C8orf34: variants seen among roughly 807,000 people sequenced by gnomAD.
C8orf34 encodes the protein uncharacterized protein C8orf34.
Under a neutral mutation model 68.3 loss-of-function variants are expected in C8orf34, and 65 were observed. The ratio of observed to expected loss-of-function variants is 0.95; its 90% CI spans 0.78 to 1.17. C8orf34 has a LOEUF of 1.17. Among genes scored for constraint, C8orf34 ranks in the 50% most tolerant of loss-of-function variants. The pLI, the probability that C8orf34 is intolerant of heterozygous loss-of-function variation, is 0.00. For synonymous variants in C8orf34, 244 were observed against 241.2 expected (o/e 1.01, Z -0.11); for missense variants, 664 against 655.4 (o/e 1.01, Z -0.14).
At chr8:68,628,118 C>T (rs543779969) in intron 7 of C8orf34, among the ~76,000 whole-genome samples, 6 of 152,078 alleles carry the variant, frequency 3.9e-5, no homozygotes, top group African/African-American at 9.7e-5. Flanking sequence ...AAAATTTCAA[C>T]GCAGCACTTA....
In C8orf34 at chr8:68,503,719, G is replaced by T. The variant is rs1303405386; in HGVS notation, c.765+15668G>T. On this transcript the variant is annotated intron_variant, in intron 5 of 13. Transcript: ENST00000518698. ...TTTTTTTTCCAAATAAGAAAACTGA[G>T]GCCAAAGTGACTCAGTGATTTGCTC... Among the ~76,000 whole-genome samples the T allele has an allele frequency of 2.7e-5, 4 of 149,282 alleles. No individual in the cohort carries two copies. In the East Asian group the frequency reaches 7.8e-4, roughly 29 times the overall value.
intron 7 of C8orf34, among the ~76,000 whole-genome samples, chr8:68,602,261 C>T (rs1817720395): frequency 6.6e-6 from 1 of 152,100 alleles, no homozygotes; most frequent in African/African-American, 2.4e-5. Flanking sequence ...TCAGTTTCCT[C>T]CCAGCCCCTG....
rs577254453 is a variant in C8orf34, at chr8:68,462,619, A to G, written c.608-6073A>G. Among the ~76,000 whole-genome samples, 327 of 152,156 alleles carry G rather than the reference A, an allele frequency of 2.1e-3. 1 individual carries two copies. Among genetic ancestry groups the G allele is most frequent in the Non-Finnish European group, 2.9e-3 (200 of 68,024 alleles). The stretch of plus-strand genomic sequence containing the variant: ...TCAGACCACAGTGCAATCAAACTAG[A>G]ACTCAGGATTAAGAAACTCACTCAA... On this transcript the variant is annotated intron_variant, in intron 3 of 13. Transcript: ENST00000518698.
rs374919443 is a variant in C8orf34, at chr8:68,669,467, C to T, written c.1241+28956C>T. Among the ~76,000 whole-genome samples the T allele has an allele frequency of 2.5e-4, 38 of 152,106 alleles. 1 individual carries two copies. Among genetic ancestry groups the T allele is most frequent in the Non-Finnish European group, 4.3e-4 (29 of 68,020 alleles). The stretch of plus-strand genomic sequence containing the variant: ...GTTTTTATGTACCCATTTACTTATT[C>T]GTATTCTACTTTATTTCAAAAGGAG... On this transcript the variant is annotated intron_variant, in intron 8 of 13. Coordinates refer to ENST00000518698, the MANE Select transcript of C8orf34 (RefSeq NM_052958.4).
intron 10 of C8orf34, among the ~76,000 whole-genome samples, chr8:68,742,758 TA>T (rs1210659184): frequency 2.7e-5 from 2 of 73,776 alleles, no homozygotes; most frequent in Non-Finnish European, 5.9e-5. Context: ...TCTTTCTCAC[TA>T]ATGAGTTAAT....
chr8:68,580,831 T>TA (rs1817041733), intron 7 of C8orf34, among the ~76,000 whole-genome samples: 1 of 152,166 alleles, frequency 6.6e-6, no homozygotes, highest in Non-Finnish European at 1.5e-5. Context: ...CAGTTCCCTA[T>TA]ACCCTAGGAT....
Position 68,729,472 on chromosome 8 carries a change from T to C in C8orf34, c.1404+8035T>C, listed in dbSNP as rs541806587. On this transcript the variant is annotated intron_variant, in intron 10 of 13. Coordinates refer to ENST00000518698, the MANE Select transcript of C8orf34 (RefSeq NM_052958.4). Reference sequence around the variant, plus strand: ...CTTTTATTTCTTTCCTCCAGAAACATACATACTACTTTCAGGCCAAATACT... The same window carrying C: ...CTTTTATTTCTTTCCTCCAGAAACACACATACTACTTTCAGGCCAAATACT... Among the ~76,000 whole-genome samples, 5 of 152,304 alleles carry C rather than the reference T, an allele frequency of 3.3e-5. No individual in the cohort carries two copies. In the East Asian group the frequency reaches 9.6e-4, roughly 29 times the overall value.
At chr8:68,358,830 T>C (rs1363129807) in intron 1 of C8orf34, among the ~76,000 whole-genome samples, 1 of 151,960 alleles carries the variant, frequency 6.6e-6, no homozygotes, top group African/African-American at 2.4e-5. Flanking sequence ...CTCAGCCTCC[T>C]GAGTGTACAG....
At chr8:68,750,615 G>T (rs770639053) in intron 10 of C8orf34, among the ~76,000 whole-genome samples, 4 of 151,976 alleles carry the variant, frequency 2.6e-5, no homozygotes, top group Non-Finnish European at 5.9e-5. Flanking sequence ...GTTATGTTAC[G>T]TGCATTTTAC....
chr8:68,340,329 G>A (rs920828886), intron 1 of C8orf34, among the ~76,000 whole-genome samples: 10 of 152,000 alleles, frequency 6.6e-5, no homozygotes, highest in Admixed American at 1.3e-4. Context: ...AATGATGCAC[G>A]CAGTAACACA....
intron 1 of C8orf34, among the ~76,000 whole-genome samples, chr8:68,419,766 G>C (rs1400885608): frequency 4.8e-5 from 7 of 145,830 alleles, no homozygotes; most frequent in Admixed American, 3.6e-4. Flanking sequence ...CTCACAAGTG[G>C]GAATTGAACA....
chr8:68,739,547 C>A (rs1822220292), intron 10 of C8orf34, among the ~76,000 whole-genome samples: 1 of 152,034 alleles, frequency 6.6e-6, no homozygotes, highest in Non-Finnish European at 1.5e-5. Context: ...GGTGAAAGAT[C>A]TTTACAATGA....
chr8:68,493,259 T>A (rs950667941), intron 5 of C8orf34, among the ~76,000 whole-genome samples: 2 of 151,460 alleles, frequency 1.3e-5, no homozygotes, highest in Admixed American at 1.3e-4. Flanking sequence ...CCAGAATATA[T>A]GAATAACTCC....
chr8:68,342,374 A>G (rs1247657118), intron 1 of C8orf34, among the ~76,000 whole-genome samples: 3 of 152,206 alleles, frequency 2.0e-5, no homozygotes, highest in South Asian at 2.1e-4. Flanking sequence ...GCTCTGTGAA[A>G]GACTGTATTA....
intron 10 of C8orf34, among the ~76,000 whole-genome samples, chr8:68,741,051 G>C (rs969431257): frequency 6.6e-6 from 1 of 152,014 alleles, no homozygotes; most frequent in Admixed American, 6.6e-5. Context: ...GACACATAGA[G>C]GGGGAACAAC....
intron 5 of C8orf34, among the ~76,000 whole-genome samples, chr8:68,495,066 C>A (rs868340318): frequency 6.6e-6 from 1 of 151,632 alleles, no homozygotes; most frequent in Non-Finnish European, 1.5e-5. Flanking sequence ...ACAATTCCCC[C>A]GGAGGTCTCA....
chr8:68,564,134 C>T (rs150360089), intron 7 of C8orf34, among the ~76,000 whole-genome samples: 431 of 152,230 alleles, frequency 2.8e-3, no homozygotes, highest in African/African-American at 9.3e-3. Context: ...CCTAAATTTG[C>T]TAACATGATA....
chr8:68,530,541 A>T, intron 6 of C8orf34: 3 of 868,880 alleles, frequency 3.5e-6, no homozygotes, highest in Non-Finnish European at 4.7e-6. Context: ...TTTACTTCTC[A>T]ATGAATAAAG....
At chr8:68,394,140 A>G (rs1039145001) in intron 1 of C8orf34, among the ~76,000 whole-genome samples, 1 of 151,874 alleles carries the variant, frequency 6.6e-6, no homozygotes, top group African/African-American at 2.4e-5. Context: ...CACAATGTGC[A>G]GGTTAGTTAC....
Sources: allele counts gnomAD v4.1 joint callset (sites outside exome capture counted in the v4.1 genomes callset), GRCh38; gene constraint gnomAD v4.1.1; transcripts MANE v1.5; gene names NCBI Gene and HGNC (gene_info 2026-07-23, HGNC 2026-07-21).